Variants in ADGRL3 observed in about 807,000 individuals in gnomAD.
ADGRL3 encodes the protein calcium-independent alpha-latrotoxin receptor 3.
In ADGRL3, 62 loss-of-function variants were observed where a neutral mutation model predicts 153.5. That is an observed-to-expected ratio of 0.40 (90% CI 0.33 to 0.50). ADGRL3 has a LOEUF of 0.50. Ranked by LOEUF, ADGRL3 falls within the 20% of genes least tolerant of loss-of-function variation. ADGRL3 has a pLI of 0.47. For missense variants in ADGRL3, 1,641 were observed against 1,859.4 expected (o/e 0.88, Z 2.16); for synonymous variants, 710 against 672.5 (o/e 1.06, Z -0.86).
intron 1 of ADGRL3, among the ~76,000 whole-genome samples, chr4:61,275,900 T>A (rs1366861021): frequency 6.6e-6 from 1 of 152,212 alleles, no homozygotes; most frequent in Admixed American, 6.5e-5. Flanking sequence ...TAGACATTTG[T>A]GAATCAACTT....
chr4:61,840,513 G>GT (rs2098013782), intron 9 of ADGRL3, among the ~76,000 whole-genome samples: 1 of 152,200 alleles, frequency 6.6e-6, no homozygotes, highest in African/African-American at 2.4e-5. Context: ...GTCTAAGCCT[G>GT]AGAGCATCTC....
At chr4:62,012,260 G>A (rs1459846759) in intron 21 of ADGRL3, among the ~76,000 whole-genome samples, 2 of 152,130 alleles carry the variant, frequency 1.3e-5, no homozygotes, top group African/African-American at 4.8e-5. Context: ...GTAAAAGACA[G>A]GTGCTCCCTG....
chr4:61,895,491 A>G (rs2098624510), intron 10 of ADGRL3, among the ~76,000 whole-genome samples: 1 of 151,666 alleles, frequency 6.6e-6, no homozygotes, highest in South Asian at 2.1e-4. Flanking sequence ...TAATAATAAT[A>G]ATAATAATAG....
At chr4:61,936,111 C>T (rs1215721891) in intron 15 of ADGRL3, 66 bp downstream of exon 15, 103 of 1,564,742 alleles carry the variant, frequency 6.6e-5, no homozygotes, top group South Asian at 8.1e-5. Flanking sequence ...TCTTTTTGGC[C>T]GGGAATATTA....
intron 4 of ADGRL3, among the ~76,000 whole-genome samples, chr4:61,541,108 C>A (rs1332466823): frequency 6.6e-6 from 1 of 152,092 alleles, no homozygotes; most frequent in African/African-American, 2.4e-5. Context: ...AAACTGCCAG[C>A]AGCCTGGAGA....
At chr4:61,227,536 C>G (rs10517527) in intron 1 of ADGRL3, among the ~76,000 whole-genome samples, 24,896 of 152,064 alleles carry the variant, frequency 0.16, 2,544 homozygotes, top group East Asian at 0.48. Context: ...TATTTCTTAT[C>G]TCTGATCTCT....
At chr4:61,634,416 T>C (rs1435018517) in intron 5 of ADGRL3, among the ~76,000 whole-genome samples, 2 of 152,186 alleles carry the variant, frequency 1.3e-5, no homozygotes, top group African/African-American at 4.8e-5. Context: ...TTTTCTTACA[T>C]GCAAAGAGGC....
intron 8 of ADGRL3, among the ~76,000 whole-genome samples, chr4:61,761,501 T>G (rs1169265032): frequency 1.3e-5 from 2 of 152,164 alleles, no homozygotes; most frequent in Non-Finnish European, 2.9e-5. Flanking sequence ...ATGATCTTAT[T>G]ATTGCCAGAG....
intron 6 of ADGRL3, among the ~76,000 whole-genome samples, chr4:61,704,474 TCATC>T (rs1037224771): frequency 1.2e-4 from 19 of 152,324 alleles, no homozygotes; most frequent in African/African-American, 4.6e-4. Flanking sequence ...ATTCTAATGA[TCATC>T]CAAGCCTTCA....
intron 6 of ADGRL3, among the ~76,000 whole-genome samples, chr4:61,694,175 CATT>C (rs1427892159): frequency 3.9e-5 from 2 of 51,848 alleles, no homozygotes. Context: ...AAAATTTTGT[CATT>C]ATTTTTTTTT....
chr4:62,014,752 A>G (rs2099203671), intron 21 of ADGRL3, among the ~76,000 whole-genome samples: 1 of 152,164 alleles, frequency 6.6e-6, no homozygotes, highest in Non-Finnish European at 1.5e-5. Context: ...ATGCTCTATC[A>G]TTGAAGTTAC....
intron 1 of ADGRL3, among the ~76,000 whole-genome samples, chr4:61,358,522 G>A (rs893676411): frequency 2.7e-5 from 4 of 149,788 alleles, no homozygotes; most frequent in East Asian, 2.0e-4. Flanking sequence ...GCGTGAACTC[G>A]GGAGGCGGAG....
At chr4:61,759,193 T>C (rs1277877296) in intron 8 of ADGRL3, among the ~76,000 whole-genome samples, 6 of 152,190 alleles carry the variant, frequency 3.9e-5, no homozygotes, top group Admixed American at 3.9e-4. Context: ...GTGTTCTCTG[T>C]ATTTCCTGTA....
chr4:61,591,077 C>T (rs1303782989), intron 5 of ADGRL3, among the ~76,000 whole-genome samples: 1 of 152,128 alleles, frequency 6.6e-6, no homozygotes, highest in Non-Finnish European at 1.5e-5. Context: ...AAAGCGCCCC[C>T]TTGTGCTCTG....
chr4:61,704,613 A>T (rs1410809605), intron 6 of ADGRL3, among the ~76,000 whole-genome samples: 1 of 152,160 alleles, frequency 6.6e-6, no homozygotes, highest in Non-Finnish European at 1.5e-5. Context: ...GAAAACAATG[A>T]AGTGTTCACA....
chr4:61,857,935 A>T (rs2098296414), intron 9 of ADGRL3, among the ~76,000 whole-genome samples: 1 of 152,156 alleles, frequency 6.6e-6, no homozygotes, highest in Non-Finnish European at 1.5e-5. Context: ...TTTAGTAATA[A>T]TAATAGGGAC....
chr4:61,212,305 G>T (rs1056972181), intron 1 of ADGRL3: 1 of 152,166 alleles, frequency 6.6e-6, no homozygotes, highest in Non-Finnish European at 1.5e-5. Flanking sequence ...TTTTACACTT[G>T]CTGTGTACTC....
chr4:61,882,566 C>T lies in ADGRL3; in HGVS notation c.1481-10090C>T, dbSNP rs553864710. On this transcript the variant is annotated intron_variant, in intron 9 of 26. Transcript: ENST00000683033. The stretch of plus-strand genomic sequence containing the variant: ...GGCTTCCCACACCACCCAGAGTAAA[C>T]GCCAAAGTTCTCACTTTGGCCTGTC... Among the ~76,000 whole-genome samples the T allele has an allele frequency of 6.4e-4, 97 of 152,236 alleles. 2 individuals carry two copies. Among genetic ancestry groups the T allele is most frequent in the Middle Eastern group, 3.4e-3 (1 of 294 alleles).
At chr4:62,020,093 A>T (rs2099231032) in intron 21 of ADGRL3, among the ~76,000 whole-genome samples, 1 of 152,058 alleles carries the variant, frequency 6.6e-6, no homozygotes, top group African/African-American at 2.4e-5. Flanking sequence ...TGTTCTAGTT[A>T]TTCTCCCAAG....
Sources: allele counts gnomAD v4.1 joint callset (sites outside exome capture counted in the v4.1 genomes callset), GRCh38; gene constraint gnomAD v4.1.1; transcripts MANE v1.5; gene names NCBI Gene and HGNC (gene_info 2026-07-23, HGNC 2026-07-21).